Variants in ATXN7L1 observed in about 807,000 individuals in gnomAD.
ATXN7L1 encodes ataxin 7 like 1, also known as ataxin-7-like protein 1.
A neutral mutation model predicts 70.8 loss-of-function variants in ATXN7L1; 15 were observed. The ratio of observed to expected loss-of-function variants is 0.21; its 90% confidence interval spans 0.14 to 0.33. ATXN7L1 has a LOEUF of 0.33. Among genes scored for constraint, ATXN7L1 ranks in the 10% least tolerant of loss-of-function variants. The pLI is 1.00. For synonymous variants in ATXN7L1, 440 were observed against 445.1 expected (o/e 0.99, Z 0.14); for missense variants, 975 against 1,097.1 (o/e 0.89, Z 1.57).
At chr7:105,739,399 C>T (rs1484015842) in intron 3 of ATXN7L1, among the ~76,000 whole-genome samples, 1 of 152,178 alleles carries the variant, frequency 6.6e-6, no homozygotes, top group East Asian at 1.9e-4. Flanking sequence ...GAAGCACGCC[C>T]AGAAGGCCAG....
At chr7:105,782,890 G>C (rs1803739961) in intron 3 of ATXN7L1, among the ~76,000 whole-genome samples, 1 of 152,206 alleles carries the variant, frequency 6.6e-6, no homozygotes, top group Admixed American at 6.5e-5. Flanking sequence ...CACATCCTCT[G>C]AGACAGGGCA....
At chr7:105,657,907 C>A (rs762079497) in intron 4 of ATXN7L1, among the ~76,000 whole-genome samples, 13 of 151,600 alleles carry the variant, frequency 8.6e-5, no homozygotes, top group Non-Finnish European at 1.3e-4. Context: ...TTTATGAAAC[C>A]TAAAAATGGG....
intron 3 of ATXN7L1, among the ~76,000 whole-genome samples, chr7:105,769,205 T>C (rs944794193): frequency 6.6e-6 from 1 of 152,156 alleles, no homozygotes; most frequent in Non-Finnish European, 1.5e-5. Flanking sequence ...GGAAGATATT[T>C]CTATAGGCAA....
chr7:105,672,752 T>C (rs1199934287), intron 3 of ATXN7L1, among the ~76,000 whole-genome samples: 1 of 152,180 alleles, frequency 6.6e-6, no homozygotes, highest in Admixed American at 6.5e-5. Flanking sequence ...TCCCACTGTC[T>C]GTGGGCATTT....
chr7:105,651,730 T>C (rs1799869594), intron 4 of ATXN7L1, among the ~76,000 whole-genome samples: 1 of 152,072 alleles, frequency 6.6e-6, no homozygotes, highest in African/African-American at 2.4e-5. Flanking sequence ...CCTGGACTAG[T>C]GGTTAAAGGT....
chr7:105,658,273 C>T (rs1221326151), intron 4 of ATXN7L1, among the ~76,000 whole-genome samples: 7 of 151,482 alleles, frequency 4.6e-5, no homozygotes, highest in South Asian at 4.2e-4. Flanking sequence ...CTCTTCTTGC[C>T]GGTCTGGGCA....
At chr7:105,730,253 G>A (rs1796381871) in intron 3 of ATXN7L1, among the ~76,000 whole-genome samples, 1 of 152,214 alleles carries the variant, frequency 6.6e-6, no homozygotes, top group African/African-American at 2.4e-5. Flanking sequence ...TGTATGTGAT[G>A]AAAATGGCAC....
At chr7:105,737,904 A>G (rs1797585303) in intron 3 of ATXN7L1, among the ~76,000 whole-genome samples, 1 of 152,140 alleles carries the variant, frequency 6.6e-6, no homozygotes, top group Non-Finnish European at 1.5e-5. Flanking sequence ...CATGAGTTCC[A>G]ATGTCTAGAT....
At chr7:105,643,930 C>T (rs924072680) in intron 4 of ATXN7L1, among the ~76,000 whole-genome samples, 6 of 152,148 alleles carry the variant, frequency 3.9e-5, no homozygotes, top group African/African-American at 1.2e-4. Flanking sequence ...GAAGGACCTG[C>T]GTCTGGGGGG....
In ATXN7L1 at chr7:105,806,019, TG is replaced by T. The variant is rs546857491; in HGVS notation, c.251-17312del. On this transcript the variant is annotated intron_variant, in intron 2 of 11. Coordinates refer to ENST00000419735, the MANE Select transcript of ATXN7L1 (RefSeq NM_020725.2). ...GAGGTGAGAGGGCTGCTGCAGGGTC[TG>T]GGGCTGCAGGGACAGAGAGGACGCA... 1.5e-4 allele frequency among the ~76,000 whole-genome samples: 23 copies of T among 152,218 alleles called. No individual in the cohort carries two copies. The South Asian group carries it at 2.7e-3, about 18-fold the overall frequency.
rs372274370 is a variant in ATXN7L1, at chr7:105,865,135, C to T, written c.250+10677G>A. 3.5e-4 allele frequency among the ~76,000 whole-genome samples: 54 copies of T among 152,282 alleles called. No individual in the cohort carries two copies. In the South Asian group the frequency reaches 4.1e-3, roughly 12 times the overall value. On this transcript the variant is annotated intron_variant, in intron 2 of 11. Coordinates refer to ENST00000419735, the MANE Select transcript of ATXN7L1 (RefSeq NM_020725.2). ...AGACAAAGGCGAAGACCCAAGTGCCCGGTAAAAACAACGATCATCACAACA... is the reference window on the plus strand; with the variant it reads ...AGACAAAGGCGAAGACCCAAGTGCCTGGTAAAAACAACGATCATCACAACA...
intron 7 of ATXN7L1, among the ~76,000 whole-genome samples, chr7:105,628,067 A>ACTCTTGAC (rs1260233771): frequency 6.8e-6 from 1 of 147,876 alleles, no homozygotes; most frequent in Non-Finnish European, 1.5e-5. Context: ...CTGGTCTTGA[A>ACTCTTGAC]CTCTTGACCT....
rs1250738474 is a variant in ATXN7L1, at chr7:105,606,226, T to C, written c.*1626A>G. 1 of 152,226 alleles carries C rather than the reference T, an allele frequency of 6.6e-6. No homozygotes were observed. Among genetic ancestry groups the C allele is most frequent in the Non-Finnish European group, 1.5e-5 (1 of 68,038 alleles). The allele number at this position is 152,226 out of a possible 1,614,324, so 9.4% of individuals were successfully genotyped here. On this transcript the variant is annotated 3_prime_UTR_variant, in exon 12 of 12. Coordinates refer to ENST00000419735, the MANE Select transcript of ATXN7L1 (RefSeq NM_020725.2). Reference sequence around the variant, plus strand: ...CAACTCCTGATTTTTAAACAAATCATTTTATATTAAAAAATTTAGTAATCC... The same window carrying C: ...CAACTCCTGATTTTTAAACAAATCACTTTATATTAAAAAATTTAGTAATCC...
intron 11 of ATXN7L1, 73 bp from the exon 12 acceptor site, chr7:105,607,963 A>T: frequency 7.4e-7 from 1 of 1,359,000 alleles, no homozygotes; most frequent in Non-Finnish European, 1.0e-6. Flanking sequence ...TCAAGGATGG[A>T]GACTTAGTTT....
chr7:105,624,634 A>C (rs1795415314), intron 7 of ATXN7L1, among the ~76,000 whole-genome samples: 1 of 129,798 alleles, frequency 7.7e-6, no homozygotes, highest in Non-Finnish European at 1.6e-5. Context: ...TGGGCGACAG[A>C]GCAAGACTCT....
intron 10 of ATXN7L1, among the ~76,000 whole-genome samples, chr7:105,613,192 T>G (rs1478509606): frequency 6.6e-6 from 1 of 152,210 alleles, no homozygotes; most frequent in Non-Finnish European, 1.5e-5. Flanking sequence ...CTTCCCAGAC[T>G]GCGCCACACT....
chr7:105,845,625 G>A (rs953832233), intron 2 of ATXN7L1, among the ~76,000 whole-genome samples: 5 of 151,078 alleles, frequency 3.3e-5, no homozygotes, highest in African/African-American at 1.2e-4. Flanking sequence ...GAACAAAGTT[G>A]GAAGACTCAT....
At chr7:105,722,628 C>T (rs188617211) in intron 3 of ATXN7L1, among the ~76,000 whole-genome samples, 215 of 131,380 alleles carry the variant, frequency 1.6e-3, no homozygotes, top group African/African-American at 6.2e-3. Flanking sequence ...CCTGTAATCC[C>T]AGCACTTTGG....
At chr7:105,826,419 A>T (rs1203006097) in intron 2 of ATXN7L1, among the ~76,000 whole-genome samples, 1 of 152,178 alleles carries the variant, frequency 6.6e-6, no homozygotes, top group Non-Finnish European at 1.5e-5. Context: ...CTAATGTGCA[A>T]ATTTGGGTTC....
Sources: allele counts gnomAD v4.1 joint callset (sites outside exome capture counted in the v4.1 genomes callset), GRCh38; gene constraint gnomAD v4.1.1; transcripts MANE v1.5; gene names NCBI Gene and HGNC (gene_info 2026-07-23, HGNC 2026-07-21).